POLR1D: variants seen among roughly 807,000 people sequenced by gnomAD.
POLR1D encodes the protein DNA-directed RNA polymerases I and III subunit RPAC2.
POLR1D carries 8 observed loss-of-function variants against 10.8 expected under a neutral mutation model. The ratio of observed to expected loss-of-function variants is 0.74; its 90% confidence interval spans 0.43 to 1.33. POLR1D has a LOEUF of 1.33. Ranked by LOEUF, POLR1D falls within the 40% of genes most tolerant of loss-of-function variation. The pLI is 0.01. For missense variants in POLR1D, 152 were observed against 161.7 expected, an observed-to-expected ratio of 0.94 and a Z score of 0.32; for synonymous variants, 54 against 57.2, an observed-to-expected ratio of 0.94 and a Z score of 0.25.
intron 2 of POLR1D, chr13:27,649,960 C>T (rs1956251845): frequency 2.5e-6 from 1 of 397,778 alleles, no homozygotes; most frequent in Non-Finnish European, 4.4e-6. Flanking sequence ...AGAGGGTTCC[C>T]CCAAACTACC....
chr13:27,657,612 C>T (rs377238983), intron 2 of POLR1D, among the ~76,000 whole-genome samples: 9 of 152,286 alleles, frequency 5.9e-5, no homozygotes, highest in Middle Eastern at 3.4e-3. Context: ...AGTCTAAGAT[C>T]GGTCCTACAG....
intron 2 of POLR1D, chr13:27,665,470 T>G: frequency 1.7e-6 from 1 of 579,672 alleles, no homozygotes; most frequent in Non-Finnish European, 3.1e-6. Context: ...AGGTTTAAAG[T>G]GTTCCAGCCA....
chr13:27,648,978 A>G (rs1426429763), intron 2 of POLR1D, among the ~76,000 whole-genome samples: 1 of 152,200 alleles, frequency 6.6e-6, no homozygotes, highest in East Asian at 1.9e-4. Flanking sequence ...TCATCCCAGC[A>G]CTTTGGGAGG....
At chr13:27,644,200 T>C (rs1956199355) in intron 1 of POLR1D, among the ~76,000 whole-genome samples, 1 of 152,222 alleles carries the variant, frequency 6.6e-6, no homozygotes, top group Non-Finnish European at 1.5e-5. Context: ...GTTTTCCTAC[T>C]TTATTATTTA....
chr13:27,623,348 G>A lies in POLR1D; in HGVS notation c.*98G>A. 1 of 1,572,312 alleles carries A rather than the reference G, an allele frequency of 6.4e-7. No homozygotes were observed. The highest frequency in any genetic ancestry group is 1.2e-5 in the South Asian group (1 of 86,634). ...GAAGTTTGTGGTTACAGCATACTCT[G>A]TCCTTCAGAAAGGCGTGATTCTAGC... On this transcript the variant is annotated 3_prime_UTR_variant, in exon 2 of 2. Coordinates refer to ENST00000302979, the MANE Select transcript of POLR1D (RefSeq NM_015972.4).
intron 2 of POLR1D, chr13:27,665,149 G>T (rs1566155066): frequency 6.4e-6 from 1 of 155,428 alleles, no homozygotes; most frequent in Non-Finnish European, 1.4e-5. Context: ...AGAAGTGTAA[G>T]AATTTTTTTA....
intron 2 of POLR1D, chr13:27,650,398 G>T: frequency 8.9e-6 from 2 of 223,506 alleles, no homozygotes; most frequent in South Asian, 1.8e-4. Flanking sequence ...ATGGATGGAT[G>T]GATTACATGA....
In POLR1D at chr13:27,650,158, G is replaced by GAT. The variant is rs1295975330; in HGVS notation, c.101+1707_101+1708dup. On this transcript the variant is annotated intron_variant, in intron 2 of 2. Transcript: ENST00000399697. ...TGCTACCCTCCCAGCATCAGTGTGT[G>GAT]ATAATAAGCATGGAATATTGCCAAG... 3 of 397,610 alleles carry GAT rather than the reference G, an allele frequency of 7.5e-6. No individual in the cohort carries two copies. The East Asian group carries it at 1.1e-4, about 14-fold the overall frequency. The allele number at this position is 397,610 out of a possible 1,614,324, so 24.6% of individuals were successfully genotyped here.
chr13:27,644,382 G>T (rs1210665454), intron 1 of POLR1D, among the ~76,000 whole-genome samples: 1 of 152,164 alleles, frequency 6.6e-6, no homozygotes, highest in Non-Finnish European at 1.5e-5. Flanking sequence ...TTTTGTACCA[G>T]ATTTGCATTC....
chr13:27,650,800 T>C (rs776275388), intron 2 of POLR1D: 1 of 152,128 alleles, frequency 6.6e-6, no homozygotes, highest in African/African-American at 2.4e-5. Context: ...ACCTAAAATA[T>C]GTTAAAATCT....
chr13:27,659,676 T>G (rs1345827915), intron 2 of POLR1D, among the ~76,000 whole-genome samples: 1 of 152,128 alleles, frequency 6.6e-6, no homozygotes, highest in East Asian at 1.9e-4. Context: ...GTGTTACTGT[T>G]AGAGCACATA....
At chr13:27,632,373 A>G (rs548080960) in intron 1 of POLR1D, among the ~76,000 whole-genome samples, 1 of 152,122 alleles carries the variant, frequency 6.6e-6, no homozygotes, top group Non-Finnish European at 1.5e-5. Flanking sequence ...CGAATAGTAC[A>G]CTCATTTCCT....
In POLR1D at chr13:27,663,491, G is replaced by A. The variant is rs1956385200; in HGVS notation, c.102-2195G>A. On this transcript the variant is annotated intron_variant, in intron 2 of 2. Coordinates refer to the POLR1D transcript ENST00000399697. This position sits in a 1 kb window ranked among gnomAD's most constrained non-coding sequence, Gnocchi z 4.1. Reference sequence around the variant, plus strand: ...TCTCATTCTCTGGCTAACTCTTTGGGTCACTATGTTGAGTCAGTGGGTTAC... The same window carrying A: ...TCTCATTCTCTGGCTAACTCTTTGGATCACTATGTTGAGTCAGTGGGTTAC... Among the ~76,000 whole-genome samples, 1 of 152,208 alleles carries A rather than the reference G, an allele frequency of 6.6e-6. No individual in the cohort carries two copies.
rs1009581485 is a variant in POLR1D at position 27,663,517 on chromosome 13, A to G, written c.102-2169A>G. On this transcript the variant is annotated intron_variant, in intron 2 of 2. Coordinates refer to the POLR1D transcript ENST00000399697. The surrounding 1 kb of genome is among the most constrained non-coding windows in gnomAD (Gnocchi z 4.1). ...TCACTATGTTGAGTCAGTGGGTTAC[A>G]CTAGCAGTTGGAAGATAGGTGCAGT... is the stretch of plus-strand genomic sequence containing the variant. Among the ~76,000 whole-genome samples, 1 of 152,254 alleles carries G rather than the reference A, an allele frequency of 6.6e-6. No individual in the cohort carries two copies. Among genetic ancestry groups the G allele is most frequent in the Non-Finnish European group, 1.5e-5 (1 of 68,046 alleles).
intron 2 of POLR1D, among the ~76,000 whole-genome samples, chr13:27,654,372 C>T (rs1291214467): frequency 3.3e-5 from 5 of 152,084 alleles, no homozygotes; most frequent in Non-Finnish European, 4.4e-5. Context: ...AATGTTGACA[C>T]GTGTCATTAT....
At chr13:27,659,906 G>GTATATATATATATA (rs142807905) in intron 2 of POLR1D, among the ~76,000 whole-genome samples, 76 of 145,174 alleles carry the variant, frequency 5.2e-4, no homozygotes, top group African/African-American at 1.5e-3. Context: ...TATCTCAGGT[G>GTATATATATATATA]TATATATATA....
chr13:27,626,770 C>T (rs1415165830), downstream of POLR1D, among the ~76,000 whole-genome samples: 1 of 152,194 alleles, frequency 6.6e-6, no homozygotes, highest in African/African-American at 2.4e-5. Context: ...TGTAGTAATT[C>T]TGAGTACTTG....
At chr13:27,637,539 T>C (rs2138541049) in intron 1 of POLR1D, among the ~76,000 whole-genome samples, 1 of 152,338 alleles carries the variant, frequency 6.6e-6, no homozygotes, top group Admixed American at 6.5e-5. Flanking sequence ...CTTAAAGGGA[T>C]GCTGCTCTCA....
intron 2 of POLR1D, among the ~76,000 whole-genome samples, chr13:27,654,355 G>A (rs1956291119): frequency 6.6e-6 from 1 of 152,106 alleles, no homozygotes. Context: ...GAGTTATGAA[G>A]CTTCCAAATG....
Sources: gnomAD v4.1 joint callset for allele counts (sites outside exome capture counted in the v4.1 genomes callset) on GRCh38, gnomAD v4.1.1 for gene constraint, Gnocchi (gnomAD v3.1) non-coding constraint, MANE v1.5 for transcripts, NCBI Gene and HGNC (gene_info 2026-07-23, HGNC 2026-07-21) for gene names.